The following ZNF454 variants were observed in gnomAD, a reference collection of about 807,000 sequenced individuals.
The protein encoded by ZNF454 is zinc finger protein 454.
ZNF454 carries 30 observed loss-of-function variants against 48.2 expected under a neutral mutation model. The observed-to-expected ratio is 0.62, with a 90% CI of 0.47 to 0.84. The LOEUF (loss-of-function observed/expected upper bound fraction) is 0.84. Among genes scored for constraint, ZNF454 ranks in the 40% least tolerant of loss-of-function variants. ZNF454 has a pLI of 0.00. For synonymous variants in ZNF454, 204 were observed against 211.4 expected (o/e 0.97, Z 0.30); for missense variants, 510 against 623.1 (o/e 0.82, Z 1.93).
chr5:178,989,004 G>GGCC, the ZNF454 span: 12 of 1,614,054 alleles, frequency 7.4e-6, no homozygotes, highest in Non-Finnish European at 9.3e-6. Context: ...GCCGGGCACA[G>GGCC]GCCTGTGTGC....
the ZNF454 span, chr5:178,981,187 A>G: frequency 5.6e-6 from 1 of 180,086 alleles, no homozygotes; most frequent in Admixed American, 5.5e-5. This position sits in a 1 kb window ranked among gnomAD's most constrained non-coding sequence, Gnocchi z 5.1. Flanking sequence ...CCAGATGCAC[A>G]GCCCCAGGTC....
At chr5:178,983,302 C>T in the ZNF454 span, 2 of 1,244,848 alleles carry the variant, frequency 1.6e-6, no homozygotes, top group African/African-American at 1.5e-5. Flanking sequence ...CCCTGCGGGT[C>T]AGGATCCCCT....
At chr5:178,985,843 C>A in the ZNF454 span, 3 of 541,328 alleles carry the variant, frequency 5.5e-6, no homozygotes, top group African/African-American at 1.9e-5. Flanking sequence ...CTCACAGCAA[C>A]CTTCAACTCT....
At chr5:178,986,601 G>A in the ZNF454 span, 409 of 1,604,794 alleles carry the variant, frequency 2.5e-4, 3 homozygotes, top group Middle Eastern at 2.0e-3. Context: ...ATGTGAACTC[G>A]TCCACCTGGA....
intron 2 of ZNF454, among the ~76,000 whole-genome samples, chr5:178,945,192 TTGTG>T (rs1460936679): frequency 6.7e-6 from 1 of 150,336 alleles, no homozygotes; most frequent in Non-Finnish European, 1.5e-5. Flanking sequence ...GTATGTGAGT[TTGTG>T]TGTATGTGTC....
In ZNF454 at chr5:178,964,875, C is replaced by T; in HGVS notation, c.471C>T (p.Ser157=). ...CACAGGAATGTGATGAATCCGGGAG[C>T]ACTATGAGCTCATCTCTTCACAGTG... ...TPSQECDESG[S]TMSSSLHSDQ... The change falls in exon 5 of 5, where the codon AGC becomes AGT. Residue 157 remains serine (S), a synonymous_variant. Coordinates refer to ENST00000519564, the MANE Select transcript of ZNF454 (RefSeq NM_001178089.3). 4 of 1,614,200 alleles carry T rather than the reference C, an allele frequency of 2.5e-6. No homozygotes were observed. Among genetic ancestry groups the T allele is most frequent in the African/African-American group, 1.3e-5 (1 of 75,048 alleles).
At chr5:178,985,254 A>G in the ZNF454 span, 12 of 456,518 alleles carry the variant, frequency 2.6e-5, no homozygotes, top group South Asian at 1.9e-4. Context: ...TTTGGTTTAG[A>G]AAATAACTTC....
rs1425902238 is a variant in ZNF454, at chr5:178,965,528, A to G, written c.1124A>G (p.Gln375Arg). 6.2e-7 allele frequency: 1 copy of G among 1,614,060 alleles called. No homozygotes were observed. Among genetic ancestry groups the G allele is most frequent in the Non-Finnish European group, 8.5e-7 (1 of 1,180,034 alleles). ...FRVNSSLTEHQRIHTGEKPYK... is the reference protein window; with the variant it reads ...FRVNSSLTEHRRIHTGEKPYK... The stretch of plus-strand genomic sequence containing the variant: ...GTGAACTCTTCCCTTACTGAACATC[A>G]GAGAATTCATACTGGAGAGAAACCT... Residue 375 changes from glutamine to arginine, a missense_variant, in exon 5 of 5, where the codon CAG becomes CGG. Physicochemically the swap from Gln to Arg is conservative, Grantham distance 43. Coordinates refer to ENST00000519564, the MANE Select transcript of ZNF454 (RefSeq NM_001178089.3). The surrounding 1 kb of genome is among the most constrained non-coding windows in gnomAD (Gnocchi z 5.2).
At chr5:178,972,851 A>C in the ZNF454 span, among the ~76,000 whole-genome samples, 1 of 152,054 alleles carries the variant, frequency 6.6e-6, no homozygotes, top group Non-Finnish European at 1.5e-5. Flanking sequence ...AGCAGTTTTT[A>C]CCTATCTTAT....
chr5:178,962,180 C>G (rs987167167), intron 4 of ZNF454, among the ~76,000 whole-genome samples: 1 of 151,432 alleles, frequency 6.6e-6, no homozygotes, highest in Non-Finnish European at 1.5e-5. Context: ...GTTCTTTCAC[C>G]GCTTCAGATG....
At chr5:178,949,291 A>G (rs1268380781) in intron 4 of ZNF454, among the ~76,000 whole-genome samples, 2 of 151,992 alleles carry the variant, frequency 1.3e-5, no homozygotes, top group Non-Finnish European at 2.9e-5. Context: ...ACCTCTGGTG[A>G]TCCGCCCCCC....
chr5:178,958,858 T>A (rs927313237), intron 4 of ZNF454, among the ~76,000 whole-genome samples: 1 of 152,182 alleles, frequency 6.6e-6, no homozygotes, highest in African/African-American at 2.4e-5. Flanking sequence ...TTTGCCCCAC[T>A]TTTATTTTGT....
intron 4 of ZNF454, among the ~76,000 whole-genome samples, chr5:178,953,241 A>G (rs1759626829): frequency 6.6e-6 from 1 of 152,032 alleles, no homozygotes; most frequent in Non-Finnish European, 1.5e-5. Context: ...TCTCGGTTGT[A>G]GTGTAGCTTT....
intron 4 of ZNF454, among the ~76,000 whole-genome samples, chr5:178,950,094 A>G (rs991866282): frequency 2.0e-5 from 3 of 149,200 alleles, no homozygotes; most frequent in African/African-American, 7.5e-5. Context: ...GCTGGTCTCA[A>G]ACTCCTGGGC....
chr5:178,969,186 C>G (rs1319666827), downstream of ZNF454, among the ~76,000 whole-genome samples: 2 of 152,178 alleles, frequency 1.3e-5, no homozygotes, highest in Non-Finnish European at 2.9e-5. Flanking sequence ...GGAGGGGACA[C>G]TGCCTGAGTC....
At chr5:178,983,480 T>C in the ZNF454 span, 1 of 671,242 alleles carries the variant, frequency 1.5e-6, no homozygotes, top group South Asian at 1.5e-5. Flanking sequence ...CCGTATATGT[T>C]GGCAACATCA....
intron 4 of ZNF454, among the ~76,000 whole-genome samples, chr5:178,956,273 A>G (rs1343585316): frequency 6.6e-6 from 1 of 152,026 alleles, no homozygotes; most frequent in African/African-American, 2.4e-5. Context: ...TTCTTCTCCC[A>G]TCATTGGGTC....
At chr5:178,983,002 C>A in the ZNF454 span, 1 of 1,614,162 alleles carries the variant, frequency 6.2e-7, no homozygotes, top group Non-Finnish European at 8.5e-7. Context: ...ATGGGCTTGG[C>A]CTCGTTGAAG....
At chr5:178,947,710 C>T (rs890096730) in intron 4 of ZNF454, among the ~76,000 whole-genome samples, 2 of 152,052 alleles carry the variant, frequency 1.3e-5, no homozygotes, top group South Asian at 2.1e-4. Flanking sequence ...CCCCAGTATT[C>T]GAGAGAGCTT....
Sources: allele counts gnomAD v4.1 joint callset (sites outside exome capture counted in the v4.1 genomes callset), GRCh38; gene constraint gnomAD v4.1.1; non-coding constraint Gnocchi (gnomAD v3.1); transcripts MANE v1.5; gene names NCBI Gene and HGNC (gene_info 2026-07-23, HGNC 2026-07-21).